TFCP2: variants seen among roughly 807,000 people sequenced by gnomAD.
TFCP2 encodes the protein transcription factor CP2.
TFCP2 carries 33 observed loss-of-function variants against 73.4 expected under a neutral mutation model. The observed-to-expected ratio is 0.45, with a 90% CI of 0.34 to 0.60. TFCP2 has a LOEUF of 0.60. Among genes scored for constraint, TFCP2 ranks in the 20% least tolerant of loss-of-function variants. The probability of loss-of-function intolerance (pLI) is 0.01; values close to 1 mark genes in which losing one functional copy is unlikely to be tolerated. For missense variants in TFCP2, 352 were observed against 604.0 expected (o/e 0.58, Z 4.37); for synonymous variants, 193 against 211.6 (o/e 0.91, Z 0.76).
chr12:51,109,106 A>G lies in TFCP2; in HGVS notation c.717+15T>C. On this transcript the variant is annotated intron_variant, in intron 6 of 14. Transcript: ENST00000257915. ...GGTAAAAGAATCCAAGGGCCAGCAC[A>G]TTGCCCAGGAATACCTTGAAAACTT... 1.2e-6 allele frequency: 2 copies of G among 1,613,464 alleles called. No individual in the cohort carries two copies. Among genetic ancestry groups the G allele is most frequent in the Non-Finnish European group, 1.7e-6 (2 of 1,179,494 alleles).
intron 1 of TFCP2, among the ~76,000 whole-genome samples, chr12:51,160,256 C>T (rs1201222455): frequency 2.0e-5 from 3 of 151,876 alleles, no homozygotes; most frequent in Non-Finnish European, 4.4e-5. Flanking sequence ...CTGCCTCAGC[C>T]TCCCGAGTGG....
At chr12:51,143,279 T>C (rs1305144956) in intron 1 of TFCP2, among the ~76,000 whole-genome samples, 2 of 151,434 alleles carry the variant, frequency 1.3e-5, no homozygotes, top group African/African-American at 2.4e-5. Context: ...AAGTCCAATA[T>C]AAAACTCTTG....
intron 1 of TFCP2, among the ~76,000 whole-genome samples, chr12:51,158,792 A>G (rs1327946872): frequency 6.6e-6 from 1 of 150,802 alleles, no homozygotes; most frequent in Non-Finnish European, 1.5e-5. Context: ...CCCAGCCCCT[A>G]GTCATCAATA....
At chr12:51,164,813 G>A (rs1030938492) in intron 1 of TFCP2, among the ~76,000 whole-genome samples, 7 of 151,748 alleles carry the variant, frequency 4.6e-5, no homozygotes, top group Admixed American at 1.3e-4. Flanking sequence ...AAACATTAAA[G>A]TACCAAAACT....
intron 4 of TFCP2, among the ~76,000 whole-genome samples, chr12:51,112,592 C>T (rs1350213701): frequency 6.6e-6 from 1 of 152,064 alleles, no homozygotes; most frequent in Non-Finnish European, 1.5e-5. Flanking sequence ...GCAGGCCAAG[C>T]GTGGTGGCTC....
At chr12:51,119,759 A>T (rs1180980116) in intron 1 of TFCP2, among the ~76,000 whole-genome samples, 1 of 151,988 alleles carries the variant, frequency 6.6e-6, no homozygotes, top group Non-Finnish European at 1.5e-5. Context: ...TCAAAAAAAA[A>T]AAATTAATTA....
intron 14 of TFCP2, 93 bp from the exon 15 acceptor site, chr12:51,095,371 G>A (rs1939930638): frequency 5.1e-6 from 7 of 1,362,242 alleles, no homozygotes; most frequent in Non-Finnish European, 7.3e-6. Context: ...GTGAGAAGGG[G>A]AGAAAAGGGA....
Position 51,135,122 on chromosome 12 carries a change from A to C in TFCP2, c.123-16350T>G, listed in dbSNP as rs1167563768. Among the ~76,000 whole-genome samples, 11 of 151,800 alleles carry C rather than the reference A, an allele frequency of 7.2e-5. No homozygotes were observed. In the East Asian group the frequency reaches 1.7e-3, roughly 24 times the overall value. ...GAGACTGTCTCAAAAAGAAAAAAAA[A>C]AAACAAAAAACCTACAATTCAGGGC... On this transcript the variant is annotated intron_variant, in intron 1 of 14. Coordinates refer to ENST00000257915, the MANE Select transcript of TFCP2 (RefSeq NM_005653.5).
rs1446748164 is a variant in TFCP2, at chr12:51,095,078, C to A, written c.*163G>T. 8 of 765,492 alleles carry A rather than the reference C, an allele frequency of 1.0e-5. No individual in the cohort carries two copies. Among genetic ancestry groups the A allele is most frequent in the African/African-American group, 6.9e-5 (4 of 58,046 alleles). 47.4% of individuals were successfully genotyped at this position (765,492 alleles called of 1,614,324 possible). Reference sequence around the variant, plus strand: ...TGTGTACCACAAGAGCTTGGGCCAACACAGAGGGCCAGGATTCTGCCTCCA... The same window carrying A: ...TGTGTACCACAAGAGCTTGGGCCAAAACAGAGGGCCAGGATTCTGCCTCCA... On this transcript the variant is annotated 3_prime_UTR_variant, in exon 15 of 15. Coordinates refer to ENST00000257915, the MANE Select transcript of TFCP2 (RefSeq NM_005653.5).
chr12:51,141,254 T>G (rs902509515), intron 1 of TFCP2, among the ~76,000 whole-genome samples: 1 of 151,132 alleles, frequency 6.6e-6, no homozygotes, highest in East Asian at 1.9e-4. Flanking sequence ...GATTCTGCAA[T>G]ATAGCTGATC....
At chr12:51,098,310 T>C (rs1940016768) in intron 13 of TFCP2, among the ~76,000 whole-genome samples, 1 of 152,122 alleles carries the variant, frequency 6.6e-6, no homozygotes, top group African/African-American at 2.4e-5. Context: ...CCTAAAAATG[T>C]GCATGGGAAT....
intron 8 of TFCP2, 23 bp from the exon 9 acceptor site, chr12:51,104,226 A>G: frequency 1.2e-6 from 2 of 1,610,286 alleles, no homozygotes; most frequent in Non-Finnish European, 1.7e-6. Context: ...TTAAAATGAA[A>G]GGATGAGTCC....
chr12:51,107,179 G>T (rs1940268331), intron 7 of TFCP2, 57 bp downstream of exon 7: 3 of 1,399,804 alleles, frequency 2.1e-6, no homozygotes, highest in African/African-American at 2.9e-5. Context: ...TGGAAGTGAT[G>T]AATTTTTAAG....
chr12:51,172,995 C>T lies in TFCP2; in HGVS notation c.-573G>A, dbSNP rs539344275. On this transcript the variant is annotated 5_prime_UTR_variant, in exon 1 of 15. Coordinates refer to ENST00000257915, the MANE Select transcript of TFCP2 (RefSeq NM_005653.5). ...TTCCGCTGAGCCGACTTCTCGCCCT[C>T]TGTAGCCCCCCACGGCCTGGAAACA... 5.8e-5 allele frequency: 9 copies of T among 154,810 alleles called. No homozygotes were observed. The highest frequency in any genetic ancestry group is 2.2e-4 in the African/African-American group (9 of 41,604). The allele number at this position is 154,810 out of a possible 1,614,324, so 9.6% of individuals were successfully genotyped here.
At position 51,134,943 on chromosome 12, in the gene TFCP2, T is replaced by TA. The variant is rs1435125114; in HGVS notation, c.123-16172dup. 5.3e-5 allele frequency among the ~76,000 whole-genome samples: 8 copies of TA among 151,834 alleles called. No homozygotes were observed. The South Asian group carries it at 1.7e-3, about 32-fold the overall frequency. ...GGGCAACATAGTGGGACCTTGTCTCTAAAAAAAATTTTAAAAATTAGCCAG... is the reference window on the plus strand; with the variant it reads ...GGGCAACATAGTGGGACCTTGTCTCTAAAAAAAAATTTTAAAAATTAGCCAG... On this transcript the variant is annotated intron_variant, in intron 1 of 14. Coordinates refer to ENST00000257915, the MANE Select transcript of TFCP2 (RefSeq NM_005653.5).
chr12:51,161,904 C>CA (rs536148721), intron 1 of TFCP2, among the ~76,000 whole-genome samples: 1,479 of 136,132 alleles, frequency 0.011, 25 homozygotes, highest in South Asian at 0.035. Context: ...AACAAACAAA[C>CA]AAACAAAAAA....
chr12:51,117,575 T>C (rs557307990), intron 3 of TFCP2, 96 bp downstream of exon 3: 60 of 943,530 alleles, frequency 6.4e-5, no homozygotes, highest in Middle Eastern at 4.3e-4. Flanking sequence ...CATTAAGCCA[T>C]TGGAAGCAAA....
chr12:51,109,324 G>C, intron 5 of TFCP2, 51 bp from the exon 6 acceptor site: 3 of 1,586,492 alleles, frequency 1.9e-6, no homozygotes, highest in Non-Finnish European at 1.7e-6. Flanking sequence ...AGCCAAACCA[G>C]TTGGCAGTAT....
At chr12:51,126,232 C>CA (rs371407608) in intron 1 of TFCP2, among the ~76,000 whole-genome samples, 61,477 of 87,900 alleles carry the variant, frequency 0.7, 20,667 homozygotes, top group Non-Finnish European at 0.73. Flanking sequence ...GACTCTGTCT[C>CA]AAAAAAAAAA....
Sources: gnomAD v4.1 joint callset for allele counts (sites outside exome capture counted in the v4.1 genomes callset) on GRCh38, gnomAD v4.1.1 for gene constraint, MANE v1.5 for transcripts, NCBI Gene and HGNC (gene_info 2026-07-23, HGNC 2026-07-21) for gene names.